Variants in EXOC6B observed in about 807,000 individuals in gnomAD.
EXOC6B encodes the protein exocyst complex component 6B.
Under a neutral mutation model 113.5 loss-of-function variants are expected in EXOC6B, and 54 were observed. That is an observed-to-expected ratio of 0.48 (90% CI 0.38 to 0.60). The LOEUF is 0.60. Among genes scored for constraint, EXOC6B ranks in the 20% least tolerant of loss-of-function variants. The pLI is 0.00. For missense variants in EXOC6B, 797 were observed against 977.5 expected, an observed-to-expected ratio of 0.82 and a Z score of 2.46; for synonymous variants, 357 against 339.0, an observed-to-expected ratio of 1.05 and a Z score of -0.58.
At chr2:72,379,660 C>CT in intron 19 of EXOC6B, 69 bp downstream of exon 19, 2 of 1,514,596 alleles carry the variant, frequency 1.3e-6, no homozygotes, top group Non-Finnish European at 8.9e-7. Context: ...ACACCTAAAA[C>CT]TTTTTTTCCC....
intron 1 of EXOC6B, among the ~76,000 whole-genome samples, chr2:72,764,221 T>G (rs1682920980): frequency 6.6e-6 from 1 of 152,086 alleles, no homozygotes; most frequent in Admixed American, 6.6e-5. Flanking sequence ...TCTCAATACT[T>G]ATATACCCCT....
chr2:72,671,503 T>C (rs1000930339), intron 6 of EXOC6B, among the ~76,000 whole-genome samples: 3 of 151,888 alleles, frequency 2.0e-5, no homozygotes, highest in African/African-American at 7.3e-5. Context: ...TTGAGACCAG[T>C]TGCCAACATG....
At chr2:72,411,540 C>G (rs573309420) in intron 18 of EXOC6B, among the ~76,000 whole-genome samples, 1 of 152,154 alleles carries the variant, frequency 6.6e-6, no homozygotes, top group Admixed American at 6.5e-5. Flanking sequence ...TAAAGCGACA[C>G]GGAAGCTTGG....
At chr2:72,740,579 G>T (rs537829844) in intron 2 of EXOC6B, among the ~76,000 whole-genome samples, 64 of 152,232 alleles carry the variant, frequency 4.2e-4, no homozygotes, top group African/African-American at 1.5e-3. Flanking sequence ...TTCATTCTTT[G>T]GTAGAAGACC....
intron 7 of EXOC6B, among the ~76,000 whole-genome samples, chr2:72,562,763 TAG>T: frequency 1.3e-5 from 2 of 152,174 alleles, no homozygotes; most frequent in Admixed American, 6.5e-5. Flanking sequence ...GAAACATGAT[TAG>T]AATAGTTAAA....
intron 6 of EXOC6B, among the ~76,000 whole-genome samples, chr2:72,611,850 G>C (rs1434927982): frequency 6.6e-6 from 1 of 152,104 alleles, no homozygotes; most frequent in East Asian, 1.9e-4. Context: ...TTATATAACA[G>C]TTTAAATGTA....
chr2:72,584,713 C>T (rs1268789670), intron 6 of EXOC6B, among the ~76,000 whole-genome samples: 1 of 152,162 alleles, frequency 6.6e-6, no homozygotes, highest in Non-Finnish European at 1.5e-5. Context: ...ACATTCTTCT[C>T]ATTTATACAA....
chr2:72,406,310 C>A (rs1693759162), intron 18 of EXOC6B, among the ~76,000 whole-genome samples: 1 of 152,000 alleles, frequency 6.6e-6, no homozygotes, highest in South Asian at 2.1e-4. Flanking sequence ...AGAAAGTTAA[C>A]AAGGATATCC....
intron 16 of EXOC6B, among the ~76,000 whole-genome samples, chr2:72,490,841 T>C (rs2105536546): frequency 6.6e-6 from 1 of 152,264 alleles, no homozygotes; most frequent in East Asian, 1.9e-4. Context: ...AACCAATGGC[T>C]CAGCCAGAAC....
intron 20 of EXOC6B, among the ~76,000 whole-genome samples, chr2:72,286,816 G>A (rs558729947): frequency 1.5e-4 from 23 of 151,956 alleles, no homozygotes; most frequent in East Asian, 7.7e-4. Flanking sequence ...GTAAAAATAC[G>A]AAGTCCTTTT....
intron 1 of EXOC6B, among the ~76,000 whole-genome samples, chr2:72,819,527 A>G (rs549478233): frequency 1.3e-5 from 2 of 151,994 alleles, no homozygotes; most frequent in South Asian, 4.2e-4. Flanking sequence ...CCCCAAAATA[A>G]CCCCTCCCAG....
intron 20 of EXOC6B, among the ~76,000 whole-genome samples, chr2:72,213,516 T>A (rs1012866861): frequency 6.6e-6 from 1 of 151,678 alleles, no homozygotes; most frequent in African/African-American, 2.4e-5. Context: ...AACAATCCAC[T>A]GGACATGGAG....
chr2:72,733,454 T>C (rs1680767347), intron 2 of EXOC6B, among the ~76,000 whole-genome samples: 1 of 152,178 alleles, frequency 6.6e-6, no homozygotes, highest in Non-Finnish European at 1.5e-5. Context: ...GTACAAATTT[T>C]ATACAGATAT....
At chr2:72,450,426 A>C (rs1696842416) in intron 18 of EXOC6B, among the ~76,000 whole-genome samples, 1 of 152,224 alleles carries the variant, frequency 6.6e-6, no homozygotes, top group South Asian at 2.1e-4. Context: ...AGACACATTA[A>C]AAGTTAATCT....
chr2:72,425,887 A>C (rs1421983072), intron 18 of EXOC6B, among the ~76,000 whole-genome samples: 2 of 152,178 alleles, frequency 1.3e-5, no homozygotes, highest in African/African-American at 4.8e-5. Context: ...AAGTCAGAGA[A>C]AAAAATACTT....
chr2:72,292,366 T>C (rs1240068905), intron 20 of EXOC6B, among the ~76,000 whole-genome samples: 3 of 152,134 alleles, frequency 2.0e-5, no homozygotes, highest in African/African-American at 7.2e-5. Context: ...TCACAAGTAG[T>C]TGCAGAAGTA....
intron 18 of EXOC6B, among the ~76,000 whole-genome samples, chr2:72,456,939 T>C (rs773896935): frequency 6.6e-6 from 1 of 151,526 alleles, no homozygotes; most frequent in Non-Finnish European, 1.5e-5. Context: ...AAATGAACCT[T>C]GAAGTATGTA....
intron 20 of EXOC6B, among the ~76,000 whole-genome samples, chr2:72,310,682 CA>C (rs1347981392): frequency 1.3e-5 from 2 of 151,458 alleles, no homozygotes; most frequent in African/African-American, 4.9e-5. Context: ...TGATGAAGTC[CA>C]ATTTATTTTT....
At chr2:72,741,525 CA>C in intron 1 of EXOC6B, 56 bp from the exon 2 acceptor site, 2 of 1,504,410 alleles carry the variant, frequency 1.3e-6, no homozygotes, top group African/African-American at 2.8e-5. Flanking sequence ...GAAGGAAAAA[CA>C]AAATTATAAA....
Sources: allele counts gnomAD v4.1 joint callset (sites outside exome capture counted in the v4.1 genomes callset), GRCh38; gene constraint gnomAD v4.1.1; transcripts MANE v1.5; gene names NCBI Gene and HGNC (gene_info 2026-07-23, HGNC 2026-07-21).